The following LPP variants were observed in gnomAD, a reference collection of about 807,000 sequenced individuals.
LPP encodes lipoma-preferred partner.
LPP carries 38 observed loss-of-function variants against 60.4 expected under a neutral mutation model. The observed-to-expected ratio is 0.63, with a 90% CI of 0.49 to 0.83. The LOEUF (loss-of-function observed/expected upper bound fraction) is 0.83, where lower values mean the gene tolerates loss of function less well. Ranked by LOEUF, LPP falls within the 40% of genes least tolerant of loss-of-function variation. The probability of loss-of-function intolerance (pLI) is 0.00; values close to 1 mark genes in which losing one functional copy is unlikely to be tolerated. For missense variants in LPP, 902 were observed against 783.6 expected (o/e 1.15, Z -1.80); for synonymous variants, 328 against 290.8 (o/e 1.13, Z -1.30).
chr3:188,240,387 CAGAG>C lies in LPP; in HGVS notation c.-67+14866_-67+14869del, dbSNP rs370241526. On this transcript the variant is annotated intron_variant, in intron 2 of 11. Transcript: ENST00000617246. ...TGTGTGTGTGTGTGTGAGAGAGAGA[CAGAG>C]AGAGAAAGAGGTAAAGAGGAACAAA... Among the ~76,000 whole-genome samples the C allele has an allele frequency of 4.6e-5, 6 of 131,772 alleles. No homozygotes were observed. The East Asian group carries it at 1.1e-3, about 23-fold the overall frequency. 86.4% of individuals were successfully genotyped at this position (131,772 alleles called of 152,430 possible).
chr3:188,379,351 C>T (rs1776229615), intron 3 of LPP, among the ~76,000 whole-genome samples: 2 of 152,200 alleles, frequency 1.3e-5, no homozygotes, highest in Admixed American at 1.3e-4. Flanking sequence ...TTACAACTTT[C>T]GAAGAGACTA....
chr3:188,765,169 G>T (rs1257925624), intron 9 of LPP, among the ~76,000 whole-genome samples: 1 of 152,144 alleles, frequency 6.6e-6, no homozygotes, highest in Non-Finnish European at 1.5e-5. Context: ...GGAAAAGGAA[G>T]CAAGAGTTTG....
intron 7 of LPP, among the ~76,000 whole-genome samples, chr3:188,666,955 A>G (rs1855918495): frequency 6.6e-6 from 1 of 152,194 alleles, no homozygotes; most frequent in African/African-American, 2.4e-5. Flanking sequence ...TTTGTATTTT[A>G]TATCTTTTAT....
At chr3:188,416,231 A>G (rs1786239809) in intron 4 of LPP, among the ~76,000 whole-genome samples, 1 of 152,184 alleles carries the variant, frequency 6.6e-6, no homozygotes, top group Admixed American at 6.6e-5. Context: ...GATCACTGCT[A>G]TATGTATCCC....
chr3:188,620,761 A>C (rs1372409064), intron 7 of LPP, among the ~76,000 whole-genome samples: 1 of 152,114 alleles, frequency 6.6e-6, no homozygotes, highest in Non-Finnish European at 1.5e-5. Flanking sequence ...TTCCATTCCC[A>C]CCAGCAGGGT....
chr3:188,630,284 C>T (rs775766507), intron 7 of LPP, among the ~76,000 whole-genome samples: 23 of 152,072 alleles, frequency 1.5e-4, no homozygotes, highest in Non-Finnish European at 2.8e-4. Context: ...AAGCAAAAAG[C>T]ATCCCCATTT....
At chr3:188,668,555 G>A (rs1856287732) in intron 7 of LPP, among the ~76,000 whole-genome samples, 1 of 152,106 alleles carries the variant, frequency 6.6e-6, no homozygotes, top group Non-Finnish European at 1.5e-5. Context: ...TATAACAGCC[G>A]AGATGTAATC....
chr3:188,738,992 A>C (rs943744193), intron 8 of LPP, among the ~76,000 whole-genome samples: 23 of 152,152 alleles, frequency 1.5e-4, no homozygotes, highest in African/African-American at 4.6e-4. Context: ...TGGGATCCAC[A>C]TGGAGTACAT....
At chr3:188,206,820 T>C (rs948885896) in intron 1 of LPP, among the ~76,000 whole-genome samples, 1 of 152,166 alleles carries the variant, frequency 6.6e-6, no homozygotes, top group African/African-American at 2.4e-5. Context: ...CTTTAAGCTT[T>C]TGTTTTCTCA....
rs573629745 is a variant in LPP at position 188,447,350 on chromosome 3, G to A, written c.194-37242G>A. Reference sequence around the variant, plus strand: ...CTCTTGGCTGGGCGTGGTGGCTCACGCCTGTAATCCCAGCACTTTGGGAGG... The same window carrying A: ...CTCTTGGCTGGGCGTGGTGGCTCACACCTGTAATCCCAGCACTTTGGGAGG... On this transcript the variant is annotated intron_variant, in intron 4 of 11. Coordinates refer to ENST00000617246, the MANE Select transcript of LPP (RefSeq NM_001375462.1). Among the ~76,000 whole-genome samples, 12 of 152,236 alleles carry A rather than the reference G, an allele frequency of 7.9e-5. No individual in the cohort carries two copies. In the East Asian group the frequency reaches 2.3e-3, roughly 29 times the overall value.
At chr3:188,606,189 T>C (rs1184792744) in intron 6 of LPP, among the ~76,000 whole-genome samples, 1 of 152,190 alleles carries the variant, frequency 6.6e-6, no homozygotes, top group African/African-American at 2.4e-5. Flanking sequence ...ATGACGGCTC[T>C]GCCTCTGCTA....
intron 9 of LPP, among the ~76,000 whole-genome samples, chr3:188,803,941 C>T (rs1049958618): frequency 5.3e-5 from 8 of 151,884 alleles, no homozygotes; most frequent in African/African-American, 1.9e-4. Flanking sequence ...CATGAATATA[C>T]ATGTCTGTAT....
At chr3:188,345,384 G>A (rs1485027662) in intron 3 of LPP, among the ~76,000 whole-genome samples, 1 of 152,130 alleles carries the variant, frequency 6.6e-6, no homozygotes, top group African/African-American at 2.4e-5. Context: ...CTTCCTGTAA[G>A]AGGTTGTTTG....
At chr3:188,686,248 A>G (rs1248791158) in intron 7 of LPP, among the ~76,000 whole-genome samples, 1 of 152,200 alleles carries the variant, frequency 6.6e-6, no homozygotes, top group Non-Finnish European at 1.5e-5. Context: ...GAATTCTACC[A>G]AAGTGCATGG....
chr3:188,188,476 T>G (rs1439743373), intron 1 of LPP, among the ~76,000 whole-genome samples: 3 of 152,098 alleles, frequency 2.0e-5, no homozygotes, highest in African/African-American at 7.2e-5. Context: ...ACCTAAAATC[T>G]TTGTATAACA....
intron 6 of LPP, among the ~76,000 whole-genome samples, chr3:188,591,649 C>G (rs1442495347): frequency 6.6e-6 from 1 of 152,130 alleles, no homozygotes; most frequent in Admixed American, 6.6e-5. Context: ...CCTTTATGCC[C>G]TTCATAAGCA....
In LPP at chr3:188,875,249, A is replaced by C. The variant is rs955287552; in HGVS notation, c.*770A>C. ...GCATTTTGGGGTTATGTTTAAAAAA[A>C]CATTATTGTCCCACAATATTACCTT... On this transcript the variant is annotated 3_prime_UTR_variant, in exon 12 of 12. Coordinates refer to ENST00000617246, the MANE Select transcript of LPP (RefSeq NM_001375462.1). 2 of 218,698 alleles carry C rather than the reference A, an allele frequency of 9.1e-6. No individual in the cohort carries two copies. The highest frequency in any genetic ancestry group is 4.5e-5 in the African/African-American group (2 of 44,548). 13.5% of individuals were successfully genotyped at this position (218,698 alleles called of 1,614,324 possible). A position where few individuals can be genotyped will look rare whatever the true frequency, so the allele number is the denominator to read the frequency against.
intron 10 of LPP, among the ~76,000 whole-genome samples, chr3:188,871,021 G>C (rs888131942): frequency 6.6e-6 from 1 of 152,098 alleles, no homozygotes; most frequent in African/African-American, 2.4e-5. Flanking sequence ...TGGAGACTCA[G>C]AGATGGAGCA....
intron 9 of LPP, among the ~76,000 whole-genome samples, chr3:188,790,829 A>T (rs1379149770): frequency 6.6e-6 from 1 of 151,598 alleles, no homozygotes; most frequent in Non-Finnish European, 1.5e-5. Flanking sequence ...TCCAAAAAAA[A>T]AAAATGTTAG....
Sources: allele counts gnomAD v4.1 joint callset (sites outside exome capture counted in the v4.1 genomes callset), GRCh38; gene constraint gnomAD v4.1.1; transcripts MANE v1.5; gene names NCBI Gene and HGNC (gene_info 2026-07-23, HGNC 2026-07-21).